The following PRKN variants were observed in gnomAD, a reference collection of about 807,000 sequenced individuals.
PRKN encodes the protein E3 ubiquitin-protein ligase parkin.
PRKN carries 56 observed loss-of-function variants against 59.5 expected under a neutral mutation model. That is an observed-to-expected ratio of 0.94 (90% CI 0.76 to 1.18). The LOEUF (loss-of-function observed/expected upper bound fraction) is 1.18. Among genes scored for constraint, PRKN ranks in the 50% most tolerant of loss-of-function variants. The probability of loss-of-function intolerance (pLI) is 0.00; values close to 1 mark genes in which losing one functional copy is unlikely to be tolerated. For missense variants in PRKN, 657 were observed against 596.4 expected (o/e 1.10, Z -1.06); for synonymous variants, 250 against 222.1 (o/e 1.13, Z -1.12).
intron 2 of PRKN, among the ~76,000 whole-genome samples, chr6:162,395,055 A>G (rs1389589566): frequency 6.6e-6 from 1 of 152,190 alleles, no homozygotes; most frequent in Non-Finnish European, 1.5e-5. Context: ...TTTAAAAGAT[A>G]TACTATCTCA....
intron 1 of PRKN, among the ~76,000 whole-genome samples, chr6:162,525,618 G>A (rs1037703236): frequency 1.3e-5 from 2 of 152,118 alleles, no homozygotes; most frequent in Middle Eastern, 3.2e-3. Flanking sequence ...ACGACTGTGT[G>A]TTCTCTTCCT....
At chr6:162,506,654 G>T (rs62428859) in intron 1 of PRKN, among the ~76,000 whole-genome samples, 2 of 151,990 alleles carry the variant, frequency 1.3e-5, no homozygotes, top group African/African-American at 2.4e-5. Context: ...CCGGGTGAAA[G>T]GGTCAGCTTT....
rs1268150052 is a variant in PRKN at position 161,363,091 on chromosome 6, G to A, written c.1168-2886C>T. Among the ~76,000 whole-genome samples, 2 of 151,964 alleles carry A rather than the reference G, an allele frequency of 1.3e-5. No individual in the cohort carries two copies. Among genetic ancestry groups the A allele is most frequent in the African/African-American group, 2.4e-5 (1 of 41,372 alleles). The stretch of plus-strand genomic sequence containing the variant: ...ACCTCGTCTCTGCTAAAAACACAAC[G>A]ATTAGCCAAGCGTGGTGGTGTGCAC... On this transcript the variant is annotated intron_variant, in intron 10 of 11. Coordinates refer to ENST00000366898, the MANE Select transcript of PRKN (RefSeq NM_004562.3). This position sits in a 1 kb window ranked among gnomAD's most constrained non-coding sequence, Gnocchi z 4.1.
intron 9 of PRKN, among the ~76,000 whole-genome samples, chr6:161,537,740 T>C (rs28619035): frequency 0.04 from 6,044 of 152,290 alleles, 378 homozygotes; most frequent in African/African-American, 0.13. Flanking sequence ...CGTGAGCCAC[T>C]GCGCCCGGCC....
intron 3 of PRKN, among the ~76,000 whole-genome samples, chr6:162,212,314 A>G (rs1018543855): frequency 6.6e-6 from 1 of 151,974 alleles, no homozygotes; most frequent in Non-Finnish European, 1.5e-5. Flanking sequence ...GTTTCATGTC[A>G]GTGGTCTCAC....
intron 1 of PRKN, among the ~76,000 whole-genome samples, chr6:162,560,221 G>C (rs1426074618): frequency 4.6e-5 from 7 of 152,140 alleles, no homozygotes. Context: ...TTGCATATAA[G>C]TGCAATAAAA....
chr6:162,033,943 C>A (rs568303863), intron 5 of PRKN, among the ~76,000 whole-genome samples: 3 of 151,938 alleles, frequency 2.0e-5, no homozygotes, highest in Non-Finnish European at 4.4e-5. Flanking sequence ...TCTGACATAG[C>A]CCTATGAAAT....
At chr6:162,220,552 A>G (rs2128080360) in intron 3 of PRKN, among the ~76,000 whole-genome samples, 1 of 152,338 alleles carries the variant, frequency 6.6e-6, no homozygotes, top group Non-Finnish European at 1.5e-5. Flanking sequence ...ACCAGGTACA[A>G]AGGAATCTGT....
At chr6:162,367,381 T>C (rs1346654714) in intron 2 of PRKN, among the ~76,000 whole-genome samples, 2 of 152,212 alleles carry the variant, frequency 1.3e-5, no homozygotes, top group Admixed American at 1.3e-4. Context: ...GCTATGAACA[T>C]TTTCTTTTGA....
At chr6:162,207,777 C>G (rs954841294) in intron 3 of PRKN, among the ~76,000 whole-genome samples, 1 of 152,182 alleles carries the variant, frequency 6.6e-6, no homozygotes, top group Non-Finnish European at 1.5e-5. Flanking sequence ...TAACACTTCA[C>G]TCTATTTCAT....
At chr6:161,724,912 C>T (rs1233246935) in intron 7 of PRKN, among the ~76,000 whole-genome samples, 1 of 152,188 alleles carries the variant, frequency 6.6e-6, no homozygotes, top group African/African-American at 2.4e-5. Context: ...ACCCTCATGG[C>T]TTGGTGCTGT....
chr6:161,870,952 G>A (rs887480096), intron 6 of PRKN, among the ~76,000 whole-genome samples: 4 of 151,990 alleles, frequency 2.6e-5, no homozygotes, highest in African/African-American at 9.7e-5. Context: ...AGATTTTCTT[G>A]GGGGATGAAA....
At chr6:161,609,710 A>T (rs760687505) in intron 7 of PRKN, among the ~76,000 whole-genome samples, 1 of 152,188 alleles carries the variant, frequency 6.6e-6, no homozygotes, top group African/African-American at 2.4e-5. Flanking sequence ...CTAAGAAAAC[A>T]CTGCAAGTGA....
chr6:161,477,307 C>T (rs980476418), intron 9 of PRKN, among the ~76,000 whole-genome samples: 1 of 152,022 alleles, frequency 6.6e-6, no homozygotes, highest in Non-Finnish European at 1.5e-5. Context: ...CACCTGAGGT[C>T]GGGAGTTCGA....
At chr6:161,644,945 G>T (rs13201737) in intron 7 of PRKN, among the ~76,000 whole-genome samples, 8 of 152,080 alleles carry the variant, frequency 5.3e-5, no homozygotes, top group African/African-American at 1.9e-4. Context: ...GGAAGCAGAA[G>T]TAGGGGTAAG....
chr6:162,402,182 G>C lies in PRKN; in HGVS notation c.171+41128C>G, dbSNP rs59658574. On this transcript the variant is annotated intron_variant, in intron 2 of 11. Coordinates refer to ENST00000366898, the MANE Select transcript of PRKN (RefSeq NM_004562.3). ...TAGAATCGCTTGAACCCAGAAAGCA[G>C]AGGTTGCAGTGAGCTGAGATTGCAC... is the stretch of plus-strand genomic sequence containing the variant. Among the ~76,000 whole-genome samples, 628 of 151,426 alleles carry C rather than the reference G, an allele frequency of 4.1e-3. 7 individuals are homozygous for C. The highest frequency in any genetic ancestry group is 0.014 in the African/African-American group (597 of 41,226).
rs1790615903 is a variant in PRKN, at chr6:161,468,833, T to G, written c.1083+80021A>C. 6.6e-6 allele frequency among the ~76,000 whole-genome samples: 1 copy of G among 152,202 alleles called. No individual in the cohort carries two copies. The highest frequency in any genetic ancestry group is 2.4e-5 in the African/African-American group (1 of 41,452). ...TTGTGGCCACAGTTGAAGGCCCTCA[T>G]GCTCACTGTCAGCCTATACACCTGT... On this transcript the variant is annotated intron_variant, in intron 9 of 11. Coordinates refer to ENST00000366898, the MANE Select transcript of PRKN (RefSeq NM_004562.3). This position sits in a 1 kb window ranked among gnomAD's most constrained non-coding sequence, Gnocchi z 5.9.
chr6:161,584,392 A>G lies in PRKN; in HGVS notation c.872-14976T>C, dbSNP rs1781449922. Reference sequence around the variant, plus strand: ...GGTGCTGCAAAATCTGAAATTAAACATAATATAAAAAGCACAAAAATCTAT... The same window carrying G: ...GGTGCTGCAAAATCTGAAATTAAACGTAATATAAAAAGCACAAAAATCTAT... On this transcript the variant is annotated intron_variant, in intron 7 of 11. Coordinates refer to ENST00000366898, the MANE Select transcript of PRKN (RefSeq NM_004562.3). This position sits in a 1 kb window ranked among gnomAD's most constrained non-coding sequence, Gnocchi z 4.8. Among the ~76,000 whole-genome samples, 1 of 152,222 alleles carries G rather than the reference A, an allele frequency of 6.6e-6. No individual in the cohort carries two copies. The highest frequency in any genetic ancestry group is 2.4e-5 in the African/African-American group (1 of 41,454).
intron 1 of PRKN, among the ~76,000 whole-genome samples, chr6:162,685,064 C>A (rs750334177): frequency 6.6e-6 from 1 of 152,120 alleles, no homozygotes; most frequent in Non-Finnish European, 1.5e-5. Context: ...TAACCATGTA[C>A]AAACCAGTCA....
Sources: gnomAD v4.1 joint callset for allele counts (sites outside exome capture counted in the v4.1 genomes callset) on GRCh38, gnomAD v4.1.1 for gene constraint, Gnocchi (gnomAD v3.1) non-coding constraint, MANE v1.5 for transcripts, NCBI Gene and HGNC (gene_info 2026-07-23, HGNC 2026-07-21) for gene names.